The following MGA variants were observed in gnomAD, a reference collection of about 807,000 sequenced individuals.
The protein encoded by MGA is MAX dimerization protein MGA, also known as MAX gene-associated protein.
In MGA, 40 loss-of-function variants were observed where a neutral mutation model predicts 261.1. The observed-to-expected ratio is 0.15, with a 90% CI of 0.12 to 0.20. The LOEUF is 0.20. Ranked by LOEUF, MGA falls within the 10% of genes least tolerant of loss-of-function variation. The pLI, the probability that MGA is intolerant of heterozygous loss-of-function variation, is 1.00. For missense variants in MGA, 3,397 were observed against 3,630.5 expected (o/e 0.94, Z 1.65); for synonymous variants, 1,302 against 1,290.6 (o/e 1.01, Z -0.19).
chr15:41,690,287 T>G (rs770546220), intron 2 of MGA, among the ~76,000 whole-genome samples: 13 of 152,266 alleles, frequency 8.5e-5, no homozygotes, highest in Non-Finnish European at 1.2e-4. Context: ...TTCTTTTTAT[T>G]GTCAAATAAT....
chr15:41,698,986 T>C (rs1409229990), intron 4 of MGA, 45 bp downstream of exon 4: 2 of 1,543,828 alleles, frequency 1.3e-6, no homozygotes, highest in Non-Finnish European at 1.8e-6. Context: ...TGGTTTGGGC[T>C]CCAGCAATGA....
intron 2 of MGA, among the ~76,000 whole-genome samples, chr15:41,688,106 C>A (rs563403773): frequency 6.6e-6 from 1 of 152,154 alleles, no homozygotes; most frequent in African/African-American, 2.4e-5. Context: ...GATGGAACCT[C>A]GCTCTGTCAC....
intron 1 of MGA, among the ~76,000 whole-genome samples, chr15:41,641,122 C>A (rs563760192): frequency 1.3e-5 from 2 of 152,136 alleles, no homozygotes; most frequent in South Asian, 4.1e-4. Flanking sequence ...GACTCTTTAG[C>A]ATGTTTTCAA....
chr15:41,714,061 T>C (rs1039301440), intron 9 of MGA, among the ~76,000 whole-genome samples: 4 of 152,200 alleles, frequency 2.6e-5, no homozygotes, highest in Admixed American at 2.0e-4. Context: ...TTTTTTCGTT[T>C]CTGTTATATC....
chr15:41,627,944 G>A (rs189378843), intron 1 of MGA, among the ~76,000 whole-genome samples: 53 of 152,286 alleles, frequency 3.5e-4, no homozygotes, highest in Admixed American at 2.5e-3. Flanking sequence ...AGATCAATTA[G>A]GTAATATCTT....
chr15:41,716,346 C>G (rs1342831223), intron 9 of MGA, among the ~76,000 whole-genome samples: 1 of 151,624 alleles, frequency 6.6e-6, no homozygotes, highest in Admixed American at 6.6e-5. Context: ...CCCAGCTACT[C>G]CGGAGGCTGA....
chr15:41,626,516 G>T (rs545149688), intron 1 of MGA, among the ~76,000 whole-genome samples: 1 of 151,932 alleles, frequency 6.6e-6, no homozygotes, highest in Non-Finnish European at 1.5e-5. Flanking sequence ...TCTGCCTCCC[G>T]GGTTCAAGTG....
intron 5 of MGA, among the ~76,000 whole-genome samples, chr15:41,704,092 C>T (rs1483872168): frequency 6.6e-6 from 1 of 152,170 alleles, no homozygotes; most frequent in African/African-American, 2.4e-5. Flanking sequence ...GGATTATAGG[C>T]ATGAGCCATT....
chr15:41,627,212 TA>T (rs1406167859), intron 1 of MGA, among the ~76,000 whole-genome samples: 3 of 152,202 alleles, frequency 2.0e-5, no homozygotes, highest in Non-Finnish European at 4.4e-5. Context: ...CTATTATAAT[TA>T]AGGAACCAAT....
chr15:41,709,383 G>A (rs939222991), intron 7 of MGA, among the ~76,000 whole-genome samples: 1 of 151,982 alleles, frequency 6.6e-6, no homozygotes, highest in Admixed American at 6.6e-5. Flanking sequence ...AATTTTACAC[G>A]CCTCTTCTTG....
intron 1 of MGA, among the ~76,000 whole-genome samples, chr15:41,639,108 CCTT>C (rs1240870658): frequency 2.0e-5 from 3 of 152,122 alleles, no homozygotes. Context: ...GAGAATTTGT[CCTT>C]CTCTTCCTGG....
chr15:41,724,322 C>T (rs1432736116), intron 9 of MGA, among the ~76,000 whole-genome samples: 1 of 152,142 alleles, frequency 6.6e-6, no homozygotes, highest in African/African-American at 2.4e-5. Flanking sequence ...CTCTTAAGTA[C>T]CTAACCATAT....
intron 2 of MGA, among the ~76,000 whole-genome samples, chr15:41,672,806 A>G (rs1339842717): frequency 9.2e-5 from 14 of 152,152 alleles, no homozygotes. Flanking sequence ...CTGTTCCTTT[A>G]CAGGAAAAAT....
intron 17 of MGA, chr15:41,752,115 C>G (rs1178435665): frequency 6.6e-6 from 1 of 152,210 alleles, no homozygotes; most frequent in Non-Finnish European, 1.5e-5. Flanking sequence ...TCACTGCAAC[C>G]TCCACCTCTG....
At chr15:41,747,831 A>G (rs919793273) in intron 15 of MGA, among the ~76,000 whole-genome samples, 2 of 152,144 alleles carry the variant, frequency 1.3e-5, no homozygotes, top group Non-Finnish European at 2.9e-5. Context: ...TTGATACTCT[A>G]TTTTTTACCA....
chr15:41,746,278 C>T (rs28366890), intron 15 of MGA, among the ~76,000 whole-genome samples: 4,947 of 152,202 alleles, frequency 0.033, 131 homozygotes, highest in South Asian at 0.07. Flanking sequence ...CAGTGGCTGA[C>T]GCCTGTAATC....
At chr15:41,755,424 A>T (rs191770774) in intron 18 of MGA, among the ~76,000 whole-genome samples, 1 of 152,356 alleles carries the variant, frequency 6.6e-6, no homozygotes, top group East Asian at 1.9e-4. Flanking sequence ...ATCCCTTAAA[A>T]ACTTAATTAG....
At chr15:41,630,263 TC>T (rs1272533785) in intron 1 of MGA, among the ~76,000 whole-genome samples, 1 of 152,150 alleles carries the variant, frequency 6.6e-6, no homozygotes, top group African/African-American at 2.4e-5. Flanking sequence ...TATGTAATTT[TC>T]CCCAATTTCG....
chr15:41,733,937 A>C (rs2061644631), intron 11 of MGA, among the ~76,000 whole-genome samples: 1 of 68,680 alleles, frequency 1.5e-5, no homozygotes, highest in African/African-American at 5.3e-5. Context: ...TTTTTTCGAG[A>C]TAGGGCCTCA....
Sources: allele counts gnomAD v4.1 joint callset (sites outside exome capture counted in the v4.1 genomes callset), GRCh38; gene constraint gnomAD v4.1.1; transcripts MANE v1.5; gene names NCBI Gene and HGNC (gene_info 2026-07-23, HGNC 2026-07-21).